The following MACROD2 variants were observed in gnomAD, a reference collection of about 807,000 sequenced individuals.
MACROD2 encodes the protein mono-ADP ribosylhydrolase 2.
MACROD2 carries 36 observed loss-of-function variants against 70.4 expected under a neutral mutation model. The ratio of observed to expected loss-of-function variants is 0.51; its 90% CI spans 0.39 to 0.68. The LOEUF is 0.68. MACROD2 is among the 30% of genes least tolerant of loss of function. The pLI is 0.00. For missense variants in MACROD2, 496 were observed against 538.4 expected (o/e 0.92, Z 0.78); for synonymous variants, 172 against 178.8 (o/e 0.96, Z 0.30).
intron 8 of MACROD2, among the ~76,000 whole-genome samples, chr20:15,772,100 AAAT>A (rs1312765249): frequency 0.016 from 1,390 of 89,606 alleles, 6 homozygotes; most frequent in African/African-American, 0.038. Flanking sequence ...AAAAAAAAAA[AAAT>A]ATATATATAT....
At chr20:15,909,057 A>G (rs1226059811) in intron 10 of MACROD2, among the ~76,000 whole-genome samples, 1 of 152,222 alleles carries the variant, frequency 6.6e-6, no homozygotes, top group African/African-American at 2.4e-5. Flanking sequence ...TCTACTCAGC[A>G]TTGGCTGGGG....
At chr20:15,353,383 C>G (rs1600281336) in intron 6 of MACROD2, among the ~76,000 whole-genome samples, 1 of 152,098 alleles carries the variant, frequency 6.6e-6, no homozygotes, top group Admixed American at 6.6e-5. Context: ...AATGTTAGAC[C>G]TAAAACCATA....
rs1396365449 is a variant in MACROD2, at chr20:15,197,156, A to G, written c.419-32784A>G. The G allele has an allele frequency of 1.6e-5, 5 of 322,320 alleles. No homozygotes were observed. The South Asian group carries it at 3.6e-4, about 23-fold the overall frequency. The allele number at this position is 322,320 out of a possible 1,614,324, so 20.0% of individuals were successfully genotyped here. A position where few individuals can be genotyped will look rare whatever the true frequency, so the allele number is the denominator to read the frequency against. On this transcript the variant is annotated intron_variant, in intron 5 of 17. Coordinates refer to ENST00000684519, the MANE Select transcript of MACROD2 (RefSeq NM_001351661.2). ...TATATGAGTGACTCTTTTTTAAGGT[A>G]CCTTTAATCTTTTCTTCATTTAGTT...
At chr20:15,646,246 G>T (rs1444774604) in intron 8 of MACROD2, among the ~76,000 whole-genome samples, 1 of 152,082 alleles carries the variant, frequency 6.6e-6, no homozygotes, top group South Asian at 2.1e-4. Context: ...AAAATCTGTT[G>T]TCAGGACTCA....
intron 8 of MACROD2, among the ~76,000 whole-genome samples, chr20:15,752,998 T>C (rs2051294898): frequency 1.3e-5 from 2 of 152,242 alleles, no homozygotes; most frequent in Admixed American, 6.5e-5. Flanking sequence ...ATTATACACA[T>C]ACATATATAC....
At chr20:14,790,864 G>A (rs1191651815) in intron 5 of MACROD2, among the ~76,000 whole-genome samples, 2 of 152,044 alleles carry the variant, frequency 1.3e-5, no homozygotes, top group African/African-American at 4.8e-5. Context: ...CTTCTCCTCT[G>A]TACATTTCCT....
At chr20:14,023,079 T>A (rs1198358329) in intron 2 of MACROD2, among the ~76,000 whole-genome samples, 1 of 152,232 alleles carries the variant, frequency 6.6e-6, no homozygotes, top group East Asian at 1.9e-4. Flanking sequence ...GTTTCCTGAC[T>A]TTTTAATGAT....
Position 14,230,654 on chromosome 20 carries a change from T to TATATATATAAAAAA in MACROD2, c.271+144927_271+144928insTATATATAAAAAAA. ...GTTTATATATATATATATATATATA[T>TATATATATAAAAAA]AACACAGGCTGGGCCTATATATATA... is the stretch of plus-strand genomic sequence containing the variant. On this transcript the variant is annotated intron_variant, in intron 3 of 17. Coordinates refer to ENST00000684519, the MANE Select transcript of MACROD2 (RefSeq NM_001351661.2). Among the ~76,000 whole-genome samples the TATATATATAAAAAA allele has an allele frequency of 6.9e-4, 51 of 74,238 alleles. 2 individuals carry two copies. Among genetic ancestry groups the TATATATATAAAAAA allele is most frequent in the East Asian group, 5.2e-3 (9 of 1,726 alleles). 48.7% of individuals were successfully genotyped at this position (74,238 alleles called of 152,430 possible). A position where few individuals can be genotyped will look rare whatever the true frequency, so the allele number is the denominator to read the frequency against.
rs1346114449 is a variant in MACROD2, at chr20:14,326,857, C to T, written c.272-166622C>T. On this transcript the variant is annotated intron_variant, in intron 3 of 17. Transcript: ENST00000684519. This position sits in a 1 kb window ranked among gnomAD's most constrained non-coding sequence, Gnocchi z 5.5. ...AACTAGGTTGAAGAAAACTTTGTCACCTAAACCATGATTGTTCAACAGGTT... is the reference window on the plus strand; with the variant it reads ...AACTAGGTTGAAGAAAACTTTGTCATCTAAACCATGATTGTTCAACAGGTT... 2 of 1,613,580 alleles carry T rather than the reference C, an allele frequency of 1.2e-6. No individual in the cohort carries two copies. Among genetic ancestry groups the T allele is most frequent in the Non-Finnish European group, 1.7e-6 (2 of 1,179,794 alleles).
At chr20:14,084,554 A>G (rs892799821) in intron 2 of MACROD2, among the ~76,000 whole-genome samples, 3 of 152,216 alleles carry the variant, frequency 2.0e-5, no homozygotes, top group Non-Finnish European at 4.4e-5. Context: ...AGCTTTTACT[A>G]GATTTATCTT....
chr20:15,132,205 C>A (rs1314552336), intron 5 of MACROD2, among the ~76,000 whole-genome samples: 1 of 151,718 alleles, frequency 6.6e-6, no homozygotes, highest in Non-Finnish European at 1.5e-5. Context: ...AATAACATAT[C>A]TAAAATGAAG....
chr20:14,426,257 C>T lies in MACROD2; in HGVS notation c.272-67222C>T, dbSNP rs73901250. Among the ~76,000 whole-genome samples, 735 of 152,088 alleles carry T rather than the reference C, an allele frequency of 4.8e-3. 10 individuals carry two copies. The highest frequency in any genetic ancestry group is 0.017 in the African/African-American group (701 of 41,524). On this transcript the variant is annotated intron_variant, in intron 3 of 17. Coordinates refer to ENST00000684519, the MANE Select transcript of MACROD2 (RefSeq NM_001351661.2). ...GATCTCTTTGTATTTGATATTTTCT[C>T]GATTCTGTCAACTTTTTATTTTTTG...
chr20:14,852,923 C>T (rs561764746), intron 5 of MACROD2, among the ~76,000 whole-genome samples: 14 of 152,224 alleles, frequency 9.2e-5, no homozygotes, highest in Non-Finnish European at 1.6e-4. Context: ...GTTTCAAAGA[C>T]GTTGCTGTCC....
intron 8 of MACROD2, among the ~76,000 whole-genome samples, chr20:15,502,532 T>C (rs559427124): frequency 6.6e-6 from 1 of 152,258 alleles, no homozygotes; most frequent in East Asian, 1.9e-4. Flanking sequence ...ATTCACCTTT[T>C]AAAAACAAGC....
chr20:14,893,235 T>G (rs2073785518), intron 5 of MACROD2: 1 of 152,174 alleles, frequency 6.6e-6, no homozygotes, highest in Admixed American at 6.5e-5. Context: ...CCTTGGTTCT[T>G]GTGAATAATG....
chr20:15,267,082 A>C (rs150462594), intron 6 of MACROD2, among the ~76,000 whole-genome samples: 1 of 152,312 alleles, frequency 6.6e-6, no homozygotes, highest in Non-Finnish European at 1.5e-5. Flanking sequence ...AGCTCTAAGG[A>C]CAAGAGCATG....
chr20:15,192,227 CA>C (rs1218566630), intron 5 of MACROD2, among the ~76,000 whole-genome samples: 1 of 152,128 alleles, frequency 6.6e-6, no homozygotes, highest in Admixed American at 6.6e-5. Context: ...TCATAACTCT[CA>C]TTGTTTGTAC....
intron 8 of MACROD2, among the ~76,000 whole-genome samples, chr20:15,770,000 A>G (rs936023981): frequency 1.3e-5 from 2 of 151,712 alleles, no homozygotes; most frequent in African/African-American, 4.9e-5. Context: ...CCCCCCACAC[A>G]TAATGATGTG....
intron 3 of MACROD2, among the ~76,000 whole-genome samples, chr20:14,459,974 T>C (rs998104544): frequency 6.6e-6 from 1 of 152,066 alleles, no homozygotes; most frequent in African/African-American, 2.4e-5. Flanking sequence ...GAACATGTGG[T>C]GTTTGGTTTT....
Sources: allele counts gnomAD v4.1 joint callset (sites outside exome capture counted in the v4.1 genomes callset), GRCh38; gene constraint gnomAD v4.1.1; non-coding constraint Gnocchi (gnomAD v3.1); transcripts MANE v1.5; gene names NCBI Gene and HGNC (gene_info 2026-07-23, HGNC 2026-07-21).